Variants in MYO3A observed in about 807,000 individuals in gnomAD.
The protein encoded by MYO3A is myosin-IIIa.
MYO3A carries 180 observed loss-of-function variants against 192.7 expected under a neutral mutation model. The ratio of observed to expected loss-of-function variants is 0.93; its 90% CI spans 0.83 to 1.06. The LOEUF (loss-of-function observed/expected upper bound fraction) is 1.06, where lower values mean the gene tolerates loss of function less well. Among genes scored for constraint, MYO3A ranks in the 50% least tolerant of loss-of-function variants. MYO3A has a pLI of 0.00. For missense variants in MYO3A, 1,896 were observed against 1,905.0 expected, an observed-to-expected ratio of 1.00 and a Z score of 0.09; for synonymous variants, 628 against 645.3, an observed-to-expected ratio of 0.97 and a Z score of 0.41.
At chr10:26,077,691 G>C (rs11492556) in intron 14 of MYO3A, among the ~76,000 whole-genome samples, 2 of 152,040 alleles carry the variant, frequency 1.3e-5, no homozygotes, top group African/African-American at 4.8e-5. Context: ...ATTTTTCTGA[G>C]AGTTTTAATC....
intron 15 of MYO3A, among the ~76,000 whole-genome samples, chr10:26,094,011 G>A (rs888493416): frequency 6.6e-6 from 1 of 152,148 alleles, no homozygotes; most frequent in Non-Finnish European, 1.5e-5. Context: ...TTTCTCTTTA[G>A]AAATGTCTTC....
rs745347104 is a variant in MYO3A, at chr10:26,145,517, C to T, written c.2488C>T (p.His830Tyr). ...PKRMELSFGIHHYAGKVLYNA... is the reference protein window; with the variant it reads ...PKRMELSFGIYHYAGKVLYNA... Reference sequence around the variant, plus strand: ...AAGAATGGAACTTAGTTTTGGAATTCACCATTATGCAGGAAAGGTAAGAAC... The same window carrying T: ...AAGAATGGAACTTAGTTTTGGAATTTACCATTATGCAGGAAAGGTAAGAAC... Residue 830 changes from histidine to tyrosine, a missense_variant, in exon 22 of 35, where the codon CAC becomes TAC. Physicochemically the swap from His to Tyr is moderately conservative, Grantham distance 83. Transcript: ENST00000642920. 1.9e-6 allele frequency: 3 copies of T among 1,601,640 alleles called. No individual in the cohort carries two copies. Among genetic ancestry groups the T allele is most frequent in the South Asian group, 1.1e-5 (1 of 90,820 alleles).
Position 26,096,391 on chromosome 10 carries a change from A to G in MYO3A, c.1573A>G (p.Asn525Asp), listed in dbSNP as rs775770061. Residue 525 changes from asparagine to aspartate, a missense_variant, in exon 16 of 35, where the codon AAT (asparagine) becomes GAT (aspartate). Asn to Asp is a conservative substitution (Grantham distance 23). Coordinates refer to ENST00000642920, the MANE Select transcript of MYO3A (RefSeq NM_017433.5). The stretch of plus-strand genomic sequence containing the variant: ...TATCTTTTTTTCCAGTGGAGAAAAA[A>G]ATTTTCATATTTTTTACTACATTTA... ...RVIHQAIGEKNFHIFYYIYAG... is the reference protein window; with the variant it reads ...RVIHQAIGEKDFHIFYYIYAG... The G allele has an allele frequency of 6.2e-7, 1 of 1,610,532 alleles. No individual in the cohort carries two copies. The highest frequency in any genetic ancestry group is 8.5e-7 in the Non-Finnish European group (1 of 1,178,108).
intron 23 of MYO3A, among the ~76,000 whole-genome samples, chr10:26,148,958 T>G (rs554658327): frequency 6.6e-6 from 1 of 152,112 alleles, no homozygotes; most frequent in Non-Finnish European, 1.5e-5. Flanking sequence ...CCAATATGTT[T>G]CCTTTTGAAT....
intron 34 of MYO3A, 76 bp downstream of exon 34, chr10:26,203,183 A>G: frequency 1.4e-6 from 2 of 1,465,830 alleles, no homozygotes; most frequent in Non-Finnish European, 1.9e-6. Context: ...ATTTCACTTT[A>G]TATATAGATG....
At chr10:25,959,812 T>C (rs1480520481) in intron 4 of MYO3A, among the ~76,000 whole-genome samples, 5 of 151,810 alleles carry the variant, frequency 3.3e-5, no homozygotes, top group Non-Finnish European at 7.4e-5. Context: ...GGTGTGTGTG[T>C]GTGTGTGTGT....
intron 31 of MYO3A, among the ~76,000 whole-genome samples, chr10:26,191,702 C>G (rs904912908): frequency 5.3e-5 from 8 of 152,196 alleles, no homozygotes; most frequent in African/African-American, 1.7e-4. Context: ...TGATCAGTGT[C>G]TTTACTTAGT....
At chr10:26,135,084 A>T (rs905975590) in intron 20 of MYO3A, among the ~76,000 whole-genome samples, 4 of 152,182 alleles carry the variant, frequency 2.6e-5, no homozygotes, top group African/African-American at 9.6e-5. Flanking sequence ...ATTGATTAAA[A>T]TGACTCCCTC....
intron 6 of MYO3A, among the ~76,000 whole-genome samples, chr10:26,011,428 A>G (rs1240528177): frequency 1.3e-5 from 2 of 151,258 alleles, no homozygotes; most frequent in Non-Finnish European, 2.9e-5. Flanking sequence ...AAGTGAGACC[A>G]TGTCTAAAAA....
At chr10:25,981,230 A>G (rs1839306628) in intron 4 of MYO3A, among the ~76,000 whole-genome samples, 1 of 152,240 alleles carries the variant, frequency 6.6e-6, no homozygotes, top group African/African-American at 2.4e-5. Context: ...TACCACTAGT[A>G]GAAAAGTGTA....
chr10:26,185,611 A>T (rs1842829586), intron 31 of MYO3A, among the ~76,000 whole-genome samples: 1 of 152,008 alleles, frequency 6.6e-6, no homozygotes, highest in African/African-American at 2.4e-5. Context: ...AAGTGCTGGA[A>T]TTACAGGTGT....
At chr10:26,000,290 C>G (rs1053450302) in intron 6 of MYO3A, among the ~76,000 whole-genome samples, 1 of 152,192 alleles carries the variant, frequency 6.6e-6, no homozygotes, top group African/African-American at 2.4e-5. Context: ...AGTCAGAGCT[C>G]TTACACTTGT....
intron 20 of MYO3A, among the ~76,000 whole-genome samples, chr10:26,141,896 T>C (rs1840187649): frequency 6.6e-6 from 1 of 152,226 alleles, no homozygotes; most frequent in Non-Finnish European, 1.5e-5. Context: ...AAATGAAATT[T>C]CAGCTTCATA....
intron 4 of MYO3A, among the ~76,000 whole-genome samples, chr10:25,974,080 A>C (rs934463526): frequency 2.0e-5 from 3 of 152,230 alleles, no homozygotes; most frequent in African/African-American, 7.2e-5. Flanking sequence ...CAAAAGCCCA[A>C]ATCGACAAAT....
At chr10:26,191,803 A>T (rs1312942295) in intron 31 of MYO3A, among the ~76,000 whole-genome samples, 1 of 152,242 alleles carries the variant, frequency 6.6e-6, no homozygotes, top group Admixed American at 6.5e-5. Flanking sequence ...AGTTGTTTAC[A>T]TATAATAAAT....
At chr10:26,153,752 GA>G in intron 23 of MYO3A, 97 bp from the exon 24 acceptor site, 1 of 796,520 alleles carries the variant, frequency 1.3e-6, no homozygotes, top group Non-Finnish European at 2.1e-6. Flanking sequence ...AATATTGCAG[GA>G]TTAACAATGC....
rs1222923903 is a variant in MYO3A, at chr10:26,145,546, A to G, written c.2505+12A>G. On this transcript the variant is annotated intron_variant, in intron 22 of 34. Coordinates refer to ENST00000642920, the MANE Select transcript of MYO3A (RefSeq NM_017433.5). The stretch of plus-strand genomic sequence containing the variant: ...ATTATGCAGGAAAGGTAAGAACTCT[A>G]AAGAATTATGACTGAGTTTCTCCTT... 7 of 1,551,262 alleles carry G rather than the reference A, an allele frequency of 4.5e-6. No individual in the cohort carries two copies. The highest frequency in any genetic ancestry group is 4.5e-5 in the East Asian group (2 of 44,520).
chr10:26,016,924 CG>C (rs1564463131), intron 7 of MYO3A, 28 bp downstream of exon 7: 2 of 1,593,212 alleles, frequency 1.3e-6, no homozygotes, highest in Admixed American at 1.7e-5. Flanking sequence ...GGCAGACAAA[CG>C]TAATAGCTGA....
At chr10:26,069,781 C>T (rs1256521423) in intron 12 of MYO3A, among the ~76,000 whole-genome samples, 4 of 151,940 alleles carry the variant, frequency 2.6e-5, no homozygotes, top group African/African-American at 7.2e-5. Context: ...GAAACCCGAT[C>T]GTCTTATTTT....
Sources: allele counts gnomAD v4.1 joint callset (sites outside exome capture counted in the v4.1 genomes callset), GRCh38; gene constraint gnomAD v4.1.1; transcripts MANE v1.5; gene names NCBI Gene and HGNC (gene_info 2026-07-23, HGNC 2026-07-21).